The following PLA2G6 variants were observed in gnomAD, a reference collection of about 807,000 sequenced individuals.
The protein encoded by PLA2G6 is phospholipase A2 group VI, also known as 85/88 kDa calcium-independent phospholipase A2.
In PLA2G6, 62 loss-of-function variants were observed where a neutral mutation model predicts 83.8. The ratio of observed to expected loss-of-function variants is 0.74; its 90% confidence interval spans 0.60 to 0.91. The LOEUF (loss-of-function observed/expected upper bound fraction) is 0.91, where lower values mean the gene tolerates loss of function less well. Among genes scored for constraint, PLA2G6 ranks in the 40% least tolerant of loss-of-function variants. The pLI is 0.00. For missense variants in PLA2G6, 944 were observed against 1,102.0 expected (o/e 0.86, Z 2.03); for synonymous variants, 417 against 449.8 (o/e 0.93, Z 0.92).
chr22:38,179,846 A>C (rs1319574160), intron 1 of PLA2G6, among the ~76,000 whole-genome samples: 1 of 152,152 alleles, frequency 6.6e-6, no homozygotes, highest in African/African-American at 2.4e-5. Context: ...GTAAGCAACT[A>C]GATTTGAGTA....
Position 38,142,883 on chromosome 22 carries a change from C to T in PLA2G6, c.609+222G>A, listed in dbSNP as rs1013869529. 4 of 641,022 alleles carry T rather than the reference C, an allele frequency of 6.2e-6. No individual in the cohort carries two copies. The East Asian group carries it at 8.1e-5, about 13-fold the overall frequency. 39.7% of individuals were successfully genotyped at this position (641,022 alleles called of 1,614,324 possible). A position where few individuals can be genotyped will look rare whatever the true frequency, so the allele number is the denominator to read the frequency against. On this transcript the variant is annotated intron_variant, in intron 4 of 16. Transcript: ENST00000332509. ...TATTTTGCTGGGTTGGAGGCCGTCCCCAGGTTTATCAAGCAAAGAGACTGA... is the reference window on the plus strand; with the variant it reads ...TATTTTGCTGGGTTGGAGGCCGTCCTCAGGTTTATCAAGCAAAGAGACTGA...
At chr22:38,129,931 C>T (rs1360286804) in intron 7 of PLA2G6, among the ~76,000 whole-genome samples, 1 of 152,172 alleles carries the variant, frequency 6.6e-6, no homozygotes, top group Admixed American at 6.5e-5. Context: ...TCAGGAGTAG[C>T]AAGGAGAGGG....
At chr22:38,143,566 G>C (rs1602175524) in intron 3 of PLA2G6, 1 of 547,648 alleles carries the variant, frequency 1.8e-6, no homozygotes, top group East Asian at 3.4e-5. Context: ...CACAGGAAAG[G>C]GTCACAGAAC....
At chr22:38,127,337 T>C in intron 9 of PLA2G6, 2 of 1,298,274 alleles carry the variant, frequency 1.5e-6, no homozygotes, top group South Asian at 2.5e-5. Flanking sequence ...GAAGGACGGA[T>C]TAGGGAGTGA....
intron 1 of PLA2G6, among the ~76,000 whole-genome samples, chr22:38,178,419 A>C (rs1360502370): frequency 6.6e-6 from 1 of 151,934 alleles, no homozygotes; most frequent in Non-Finnish European, 1.5e-5. Flanking sequence ...AAAACTTAAC[A>C]ATTACCCAGG....
At chr22:38,139,296 G>C (rs1350767353) in intron 5 of PLA2G6, 1 of 152,226 alleles carries the variant, frequency 6.6e-6, no homozygotes, top group East Asian at 1.9e-4. Context: ...TCCAGAACTG[G>C]AGCACCACCT....
intron 11 of PLA2G6, 131 bp downstream of exon 11, chr22:38,122,964 G>T: frequency 1.4e-6 from 1 of 721,576 alleles, no homozygotes; most frequent in Non-Finnish European, 2.1e-6. Context: ...CCCCGCCCCT[G>T]CCTCCTCAAA....
rs1376591148 is a variant in PLA2G6 at position 38,123,490 on chromosome 22, C to T, written c.1428-232G>A. 2.0e-5 allele frequency among the ~76,000 whole-genome samples: 3 copies of T among 152,052 alleles called. No individual in the cohort carries two copies. The highest frequency in any genetic ancestry group is 2.1e-4 in the South Asian group (1 of 4,818). On this transcript the variant is annotated intron_variant, in intron 10 of 16. Coordinates refer to ENST00000332509, the MANE Select transcript of PLA2G6 (RefSeq NM_003560.4). This position sits in a 1 kb window ranked among gnomAD's most constrained non-coding sequence, Gnocchi z 4.1. ...GCAACAGAGAAAGGGAAAGGAAGGTCGGGGGATAGCATCACTGACCAGGCG... is the reference window on the plus strand; with the variant it reads ...GCAACAGAGAAAGGGAAAGGAAGGTTGGGGGATAGCATCACTGACCAGGCG...
chr22:38,165,555 T>C (rs132966), intron 2 of PLA2G6, among the ~76,000 whole-genome samples: 17,702 of 152,126 alleles, frequency 0.12, 1,254 homozygotes, highest in African/African-American at 0.18. Context: ...CCCTTTTAAG[T>C]CATTAAGCAC....
At chr22:38,179,044 A>G (rs1426236991) in intron 1 of PLA2G6, among the ~76,000 whole-genome samples, 1 of 152,258 alleles carries the variant, frequency 6.6e-6, no homozygotes, top group Non-Finnish European at 1.5e-5. Flanking sequence ...GGAAGTGCTG[A>G]GGTGGAGAGT....
At chr22:38,175,844 G>A (rs1210812251) in intron 1 of PLA2G6, among the ~76,000 whole-genome samples, 1 of 152,194 alleles carries the variant, frequency 6.6e-6, no homozygotes. Context: ...CACCTGGCAT[G>A]ATGTTCCTGA....
intron 14 of PLA2G6, among the ~76,000 whole-genome samples, chr22:38,114,679 G>A (rs1256467329): frequency 1.3e-5 from 2 of 152,200 alleles, no homozygotes; most frequent in East Asian, 1.9e-4. Flanking sequence ...CCTAGAGGGC[G>A]CTTCTCTGTC....
chr22:38,126,462 G>T lies in PLA2G6; in HGVS notation c.1349-13C>A. 1 of 1,609,204 alleles carries T rather than the reference G, an allele frequency of 6.2e-7. No individual in the cohort carries two copies. On this transcript the variant is annotated splice_polypyrimidine_tract_variant and intron_variant, in intron 9 of 16. Coordinates refer to ENST00000332509, the MANE Select transcript of PLA2G6 (RefSeq NM_003560.4). ...AGATCCTGTAGTTCTGTGAGGCACAGAGCAGGGCATGCTGTGGTCAGGTGG... is the reference window on the plus strand; with the variant it reads ...AGATCCTGTAGTTCTGTGAGGCACATAGCAGGGCATGCTGTGGTCAGGTGG...
intron 1 of PLA2G6, among the ~76,000 whole-genome samples, chr22:38,172,107 T>A (rs776226718): frequency 1.1e-4 from 17 of 152,210 alleles, no homozygotes; most frequent in Non-Finnish European, 2.2e-4. Context: ...GTCATCCTCC[T>A]ACCAAACACT....
chr22:38,123,626 G>A lies in PLA2G6; in HGVS notation c.1428-368C>T, dbSNP rs1412204508. On this transcript the variant is annotated intron_variant, in intron 10 of 16. Transcript: ENST00000332509. The surrounding 1 kb of genome is among the most constrained non-coding windows in gnomAD (Gnocchi z 4.1). ...GATAAAGTCTGTTGGAATTAAATAA[G>A]GCTGGGGAAGGAGGGGCGGGGACCC... Among the ~76,000 whole-genome samples the A allele has an allele frequency of 1.3e-5, 2 of 152,072 alleles. No individual in the cohort carries two copies. The highest frequency in any genetic ancestry group is 1.3e-4 in the Admixed American group (2 of 15,262).
At position 38,113,239 on chromosome 22, in the gene PLA2G6, G is replaced by A. The variant is rs568769678; in HGVS notation, c.2202+248C>T. On this transcript the variant is annotated intron_variant, in intron 15 of 16. Transcript: ENST00000332509. ...TGTCCATTCTGGGCTTCTACACTGC[G>A]CTATGTTTGCAGAAAGGGATCCGCA... Among the ~76,000 whole-genome samples the A allele has an allele frequency of 5.9e-5, 9 of 152,244 alleles. No homozygotes were observed. In the East Asian group the frequency reaches 1.7e-3, roughly 29 times the overall value.
At chr22:38,115,235 G>C (rs1014860806) in intron 14 of PLA2G6, among the ~76,000 whole-genome samples, 1 of 152,186 alleles carries the variant, frequency 6.6e-6, no homozygotes. Context: ...GCAAGCATGT[G>C]TCCTGTCCCC....
chr22:38,118,270 G>A (rs921624573), intron 12 of PLA2G6, among the ~76,000 whole-genome samples: 2 of 152,160 alleles, frequency 1.3e-5, no homozygotes, highest in African/African-American at 4.8e-5. Flanking sequence ...GAGGTGTGGA[G>A]CTTAATTGGT....
At chr22:38,154,892 A>T in intron 2 of PLA2G6, among the ~76,000 whole-genome samples, 1 of 152,226 alleles carries the variant, frequency 6.6e-6, no homozygotes, top group East Asian at 1.9e-4. Context: ...GGAATTCAGA[A>T]TCCTAACAGA....
Sources: gnomAD v4.1 joint callset for allele counts (sites outside exome capture counted in the v4.1 genomes callset) on GRCh38, gnomAD v4.1.1 for gene constraint, Gnocchi (gnomAD v3.1) non-coding constraint, MANE v1.5 for transcripts, NCBI Gene and HGNC (gene_info 2026-07-23, HGNC 2026-07-21) for gene names.